Variants in CYB5B observed in about 807,000 individuals in gnomAD.
CYB5B encodes the protein cytochrome b5 type B, also known as cytochrome b5 type B (outer mitochondrial membrane).
Under a neutral mutation model 21.3 loss-of-function variants are expected in CYB5B, and 14 were observed. The ratio of observed to expected loss-of-function variants is 0.66; its 90% confidence interval spans 0.43 to 1.03. The LOEUF (loss-of-function observed/expected upper bound fraction) is 1.03. Among genes scored for constraint, CYB5B ranks in the 50% least tolerant of loss-of-function variants. The pLI is 0.00. For synonymous variants in CYB5B, 69 were observed against 68.4 expected, an observed-to-expected ratio of 1.01 and a Z score of -0.04; for missense variants, 166 against 185.1, an observed-to-expected ratio of 0.90 and a Z score of 0.60.
chr16:69,425,703 C>G (rs1233408166), intron 1 of CYB5B, among the ~76,000 whole-genome samples: 2 of 152,162 alleles, frequency 1.3e-5, no homozygotes, highest in Admixed American at 6.5e-5. Flanking sequence ...TTCTAAAAAG[C>G]TTCCTTTCCC....
In CYB5B at chr16:69,463,884, CA is replaced by C. The variant is rs2015060506; in HGVS notation, c.*1365del. ...ATTGGTTCAATGATGATTTCTCTGG[CA>C]TATTAGACTTTTATTTTTTCCCCCA... On this transcript the variant is annotated 3_prime_UTR_variant, in exon 5 of 5. Transcript: ENST00000307892. 1.3e-5 allele frequency: 2 copies of C among 152,142 alleles called. No individual in the cohort carries two copies. Among genetic ancestry groups the C allele is most frequent in the African/African-American group, 4.8e-5 (2 of 41,426 alleles). The allele number at this position is 152,142 out of a possible 1,614,324, so 9.4% of individuals were successfully genotyped here. A position where few individuals can be genotyped will look rare whatever the true frequency, so the allele number is the denominator to read the frequency against.
chr16:69,439,918 G>T (rs985698834), intron 1 of CYB5B, among the ~76,000 whole-genome samples: 5 of 151,994 alleles, frequency 3.3e-5, no homozygotes, highest in African/African-American at 9.7e-5. Flanking sequence ...ACTCAGGCTC[G>T]AGTGCAGTGG....
In CYB5B at chr16:69,465,445, G is replaced by A. The variant is rs2015079557; in HGVS notation, c.*2925G>A. The stretch of plus-strand genomic sequence containing the variant: ...CTTCTGCATTTGTAAAGATAACAGA[G>A]TGGTGGGGTCAAAGTTTATCTTGTG... On this transcript the variant is annotated 3_prime_UTR_variant, in exon 5 of 5. Transcript: ENST00000307892. 1 of 152,196 alleles carries A rather than the reference G, an allele frequency of 6.6e-6. No individual in the cohort carries two copies. Among genetic ancestry groups the A allele is most frequent in the Non-Finnish European group, 1.5e-5 (1 of 68,036 alleles). 9.4% of individuals were successfully genotyped at this position (152,196 alleles called of 1,614,324 possible).
rs2015059047 is a variant in CYB5B, at chr16:69,463,721, A to G, written c.*1201A>G. On this transcript the variant is annotated 3_prime_UTR_variant, in exon 5 of 5. Coordinates refer to ENST00000307892, the MANE Select transcript of CYB5B (RefSeq NM_030579.3). ...AGTTCATGACAACAGACCGTTTTCC[A>G]TTTCATCTGTATTTTATCTCCGTGA... 6.6e-6 allele frequency: 1 copy of G among 152,024 alleles called. No individual in the cohort carries two copies. Among genetic ancestry groups the G allele is most frequent in the African/African-American group, 2.4e-5 (1 of 41,390 alleles). 9.4% of individuals were successfully genotyped at this position (152,024 alleles called of 1,614,324 possible). A position where few individuals can be genotyped will look rare whatever the true frequency, so the allele number is the denominator to read the frequency against.
In CYB5B at chr16:69,432,551, A is replaced by G. The variant is rs556907084; in HGVS notation, c.174+7694A>G. 3.0e-4 allele frequency among the ~76,000 whole-genome samples: 46 copies of G among 152,344 alleles called. 1 individual carries two copies. The highest frequency in any genetic ancestry group is 1.1e-3 in the African/African-American group (45 of 41,584). On this transcript the variant is annotated intron_variant, in intron 1 of 4. Transcript: ENST00000307892. ...TGCAAACATGTATATACTTATATAT[A>G]CAAATATGTACAAATATATACAGAA...
chr16:69,439,997 T>C (rs2014802994), intron 1 of CYB5B, among the ~76,000 whole-genome samples: 1 of 152,158 alleles, frequency 6.6e-6, no homozygotes, highest in Admixed American at 6.5e-5. Flanking sequence ...GCCTCCCAAG[T>C]AGCTGGGACT....
intron 1 of CYB5B, among the ~76,000 whole-genome samples, chr16:69,440,019 C>T (rs1282413610): frequency 6.6e-6 from 1 of 152,096 alleles, no homozygotes; most frequent in Non-Finnish European, 1.5e-5. Context: ...CAGATGTGCA[C>T]CACCACACCT....
At chr16:69,458,018 A>G (rs149147852) in intron 3 of CYB5B, among the ~76,000 whole-genome samples, 29 of 152,272 alleles carry the variant, frequency 1.9e-4, no homozygotes, top group African/African-American at 6.3e-4. Flanking sequence ...GCAGCAACCT[A>G]TGCTAAAGGG....
At chr16:69,457,034 G>T (rs763209893) in intron 3 of CYB5B, among the ~76,000 whole-genome samples, 1 of 152,106 alleles carries the variant, frequency 6.6e-6, no homozygotes, top group Admixed American at 6.5e-5. Context: ...TAATGGGTTA[G>T]ACAGGTTGGT....
At chr16:69,449,470 G>A (rs964044617) in intron 3 of CYB5B, 3 of 152,266 alleles carry the variant, frequency 2.0e-5, no homozygotes. Context: ...ACACATTTCT[G>A]CACAGCAACT....
intron 4 of CYB5B, chr16:69,459,496 C>A: frequency 5.6e-6 from 1 of 179,962 alleles, no homozygotes; most frequent in Non-Finnish European, 1.2e-5. Context: ...TTCTCACAAC[C>A]ACTCTGTAAG....
At chr16:69,450,360 G>A (rs542689097) in intron 3 of CYB5B, 151 of 152,188 alleles carry the variant, frequency 9.9e-4, no homozygotes, top group African/African-American at 3.5e-3. Flanking sequence ...CCCTATCTGG[G>A]TTAAAAAGTG....
chr16:69,447,299 G>C (rs1354832772), intron 2 of CYB5B, 21 bp downstream of exon 2: 1 of 1,610,526 alleles, frequency 6.2e-7, no homozygotes, highest in Non-Finnish European at 8.5e-7. Flanking sequence ...TCAGAGATGG[G>C]AGCCCTTATG....
intron 1 of CYB5B, among the ~76,000 whole-genome samples, chr16:69,434,714 T>C (rs138971838): frequency 1.8e-4 from 28 of 152,186 alleles, no homozygotes; most frequent in Middle Eastern, 3.4e-3. Flanking sequence ...AAATACAAAG[T>C]TAGCCACGTG....
chr16:69,424,895 G>C, intron 1 of CYB5B, 38 bp downstream of exon 1: 1 of 1,509,794 alleles, frequency 6.6e-7, no homozygotes, highest in Non-Finnish European at 8.9e-7. Context: ...GAAGCTGCTG[G>C]GGCGAGGGGT....
intron 1 of CYB5B, among the ~76,000 whole-genome samples, chr16:69,429,812 T>C (rs771571587): frequency 9.9e-5 from 15 of 152,166 alleles, no homozygotes; most frequent in Non-Finnish European, 1.8e-4. Context: ...AAGATTTACA[T>C]TGGTATTCAT....
At chr16:69,460,505 A>G (rs2015024600) in intron 4 of CYB5B, among the ~76,000 whole-genome samples, 1 of 152,326 alleles carries the variant, frequency 6.6e-6, no homozygotes, top group Middle Eastern at 3.4e-3. Flanking sequence ...GATTGGTAAA[A>G]ATTAAAAATT....
At chr16:69,437,467 A>G (rs2014772165) in intron 1 of CYB5B, among the ~76,000 whole-genome samples, 1 of 152,212 alleles carries the variant, frequency 6.6e-6, no homozygotes, top group Non-Finnish European at 1.5e-5. Flanking sequence ...TGAATAGTAC[A>G]GACAACTAAT....
At chr16:69,446,118 A>G (rs2014875679) in intron 1 of CYB5B, among the ~76,000 whole-genome samples, 1 of 152,136 alleles carries the variant, frequency 6.6e-6, no homozygotes, top group Admixed American at 6.5e-5. Context: ...GTATTATATT[A>G]TGCTCTTCTG....
Sources: allele counts gnomAD v4.1 joint callset (sites outside exome capture counted in the v4.1 genomes callset), GRCh38; gene constraint gnomAD v4.1.1; transcripts MANE v1.5; gene names NCBI Gene and HGNC (gene_info 2026-07-23, HGNC 2026-07-21).